The following CACNA1E variants were observed in gnomAD, a reference collection of about 807,000 sequenced individuals.
CACNA1E encodes calcium voltage-gated channel subunit alpha1 E.
A neutral mutation model predicts 259.2 loss-of-function variants in CACNA1E; 40 were observed. That is an observed-to-expected ratio of 0.15 (90% confidence interval 0.12 to 0.20). CACNA1E has a LOEUF of 0.20. Among genes scored for constraint, CACNA1E ranks in the 10% least tolerant of loss-of-function variants. The pLI is 1.00. For missense variants in CACNA1E, 1,874 were observed against 3,040.1 expected (o/e 0.62, Z 9.02); for synonymous variants, 1,104 against 1,138.5 (o/e 0.97, Z 0.61).
rs980201415 is a variant in CACNA1E, at chr1:181,732,640, C to T, written c.2554C>T (p.Arg852Cys). ...LEKFEEERISRGGSLKGDGGD... is the reference protein window; with the variant it reads ...LEKFEEERISCGGSLKGDGGD... ...GAAGTTCGAGGAGGAGCGCATCAGC[C>T]GTGGGGGGTCCCTCAAGGGGGATGG... is the stretch of plus-strand genomic sequence containing the variant. Residue 852 changes from arginine to cysteine, a missense_variant, in exon 20 of 48, where the codon CGT becomes TGT. By Grantham distance (180) the Arg-to-Cys change is radical (BLOSUM62 -3). Around this residue, in one of 14 missense-constraint regions of CACNA1E, gnomAD observed 476 missense variants for 514.0 expected, o/e 0.93. Transcript: ENST00000367573. The surrounding 1 kb of genome is among the most constrained non-coding windows in gnomAD (Gnocchi z 5.5). The T allele has an allele frequency of 1.9e-5, 28 of 1,498,898 alleles. No homozygotes were observed. The highest frequency in any genetic ancestry group is 2.4e-5 in the East Asian group (1 of 42,094). 92.8% of individuals were successfully genotyped at this position (1,498,898 alleles called of 1,614,324 possible).
At chr1:181,739,605 C>G (rs1345919311) in intron 25 of CACNA1E, among the ~76,000 whole-genome samples, 1 of 152,158 alleles carries the variant, frequency 6.6e-6, no homozygotes, top group Non-Finnish European at 1.5e-5. Flanking sequence ...TGGGCCCTTT[C>G]TTTCTTGAGT....
At chr1:181,580,117 A>T (rs1293764628) in intron 5 of CACNA1E, among the ~76,000 whole-genome samples, 1 of 152,088 alleles carries the variant, frequency 6.6e-6, no homozygotes, top group Non-Finnish European at 1.5e-5. Flanking sequence ...TCTATTTTTT[A>T]TTTTTATCTT....
chr1:181,512,392 G>A (rs1234729273), intron 3 of CACNA1E, among the ~76,000 whole-genome samples: 1 of 152,190 alleles, frequency 6.6e-6, no homozygotes, highest in Non-Finnish European at 1.5e-5. Flanking sequence ...TTACCCAACT[G>A]CTTGGCAGAC....
At chr1:181,754,399 C>T (rs2102677741) in intron 27 of CACNA1E, among the ~76,000 whole-genome samples, 1 of 152,312 alleles carries the variant, frequency 6.6e-6, no homozygotes, top group Non-Finnish European at 1.5e-5. Flanking sequence ...TGCACAAATG[C>T]AGCACCACCG....
At chr1:181,335,898 AC>A (rs1049075624) in intron 1 of CACNA1E, among the ~76,000 whole-genome samples, 13 of 152,258 alleles carry the variant, frequency 8.5e-5, no homozygotes, top group African/African-American at 3.1e-4. Context: ...ACCCTAGAGC[AC>A]CACAGACTGT....
intron 8 of CACNA1E, among the ~76,000 whole-genome samples, 155 bp downstream of exon 8, chr1:181,711,224 G>A (rs539237643): frequency 2.6e-5 from 4 of 152,188 alleles, no homozygotes; most frequent in East Asian, 1.9e-4. Flanking sequence ...CTGCTCATCC[G>A]ACTTTCTTCC....
At chr1:181,712,663 GAAGTGGACACA>G (rs1282653877) in intron 8 of CACNA1E, among the ~76,000 whole-genome samples, 16 of 152,084 alleles carry the variant, frequency 1.1e-4, no homozygotes, top group Non-Finnish European at 2.1e-4. Context: ...GTGTAGGGAT[GAAGTGGACACA>G]AATATCCCCT....
intron 3 of CACNA1E, among the ~76,000 whole-genome samples, chr1:181,545,974 G>A (rs1647406220): frequency 6.6e-6 from 1 of 152,104 alleles, no homozygotes; most frequent in Admixed American, 6.5e-5. Flanking sequence ...GGAGCCTAAG[G>A]AACCTAGAGA....
At chr1:181,647,454 T>C (rs1249082172) in intron 6 of CACNA1E, among the ~76,000 whole-genome samples, 1 of 152,166 alleles carries the variant, frequency 6.6e-6, no homozygotes, top group African/African-American at 2.4e-5. Flanking sequence ...ATTCTCCCTC[T>C]CACAGGCAAC....
intron 32 of CACNA1E, among the ~76,000 whole-genome samples, chr1:181,759,697 G>A (rs1481910128): frequency 2.6e-5 from 4 of 152,142 alleles, no homozygotes; most frequent in Non-Finnish European, 1.5e-5. Flanking sequence ...CCATGTGACA[G>A]CTGTTTCACA....
chr1:181,390,086 C>T lies in CACNA1E; in HGVS notation c.-14-23047C>T, dbSNP rs549013070. ...CCTGAGAGCACGAGGACTTTGCTGC[C>T]GTGTGATTGACTGCTGTTCTTCGTG... On this transcript the variant is annotated intron_variant, in intron 1 of 11. Transcript: ENST00000524607. Among the ~76,000 whole-genome samples, 9 of 152,264 alleles carry T rather than the reference C, an allele frequency of 5.9e-5. No individual in the cohort carries two copies. In the East Asian group the frequency reaches 9.7e-4, roughly 16 times the overall value.
chr1:181,693,443 G>C (rs145691519), intron 7 of CACNA1E, among the ~76,000 whole-genome samples: 1 of 152,138 alleles, frequency 6.6e-6, no homozygotes, highest in East Asian at 1.9e-4. Flanking sequence ...AGAAAATGTG[G>C]TACATATACA....
intron 3 of CACNA1E, among the ~76,000 whole-genome samples, chr1:181,528,370 T>A (rs949886109): frequency 2.0e-5 from 3 of 152,192 alleles, no homozygotes; most frequent in African/African-American, 7.2e-5. Flanking sequence ...AACCTCTTTT[T>A]GTTCCCAGTT....
chr1:181,739,086 C>A, intron 24 of CACNA1E, 61 bp from the exon 25 acceptor site: 1 of 972,812 alleles, frequency 1.0e-6, no homozygotes, highest in Non-Finnish European at 1.7e-6. Context: ...ATGAACAGAG[C>A]TCAGGTCAAG....
intron 21 of CACNA1E, 129 bp downstream of exon 21, chr1:181,733,879 GT>G (rs1222318024): frequency 1.5e-6 from 1 of 650,902 alleles, no homozygotes; most frequent in African/African-American, 1.9e-5. Flanking sequence ...GTAAAAATGA[GT>G]GGCGGTTTTC....
intron 2 of CACNA1E, among the ~76,000 whole-genome samples, chr1:181,448,223 A>C (rs1299082852): frequency 2.0e-5 from 3 of 152,250 alleles, no homozygotes; most frequent in Non-Finnish European, 4.4e-5. Flanking sequence ...TAGAGGTTAC[A>C]ATGGGGAGGA....
chr1:181,467,925 G>A (rs1045180622), intron 2 of CACNA1E, among the ~76,000 whole-genome samples: 2 of 152,184 alleles, frequency 1.3e-5, no homozygotes, highest in Non-Finnish European at 2.9e-5. Context: ...AGTGGCTACA[G>A]GCCAGGGATG....
At position 181,758,049 on chromosome 1, in the gene CACNA1E, C is replaced by T. The variant is rs2102694851; in HGVS notation, c.4432C>T (p.Pro1478Ser). ...CCGCGTGTGGCACTTTGTGGTGTCT[C>T]CGTCCTTTGAGTACACCATTATGGC... The part of the protein sequence containing the change: ...QYRVWHFVVS[P>S]SFEYTIMAMI... The change falls in exon 31 of 48, where the codon CCG (proline) becomes TCG (serine). Residue 1478 changes from proline (P) to serine (S), a missense_variant. By Grantham distance (74) the Pro-to-Ser change is moderately conservative. Around this residue, in one of 14 missense-constraint regions of CACNA1E, gnomAD observed 188 missense variants for 540.6 expected, o/e 0.35. Transcript: ENST00000367573. This position sits in a 1 kb window ranked among gnomAD's most constrained non-coding sequence, Gnocchi z 4.2. 1 of 1,613,886 alleles carries T rather than the reference C, an allele frequency of 6.2e-7. No individual in the cohort carries two copies. The highest frequency in any genetic ancestry group is 8.5e-7 in the Non-Finnish European group (1 of 1,179,832).
chr1:181,543,342 G>C (rs1668740893), intron 3 of CACNA1E, among the ~76,000 whole-genome samples: 1 of 152,138 alleles, frequency 6.6e-6, no homozygotes, highest in Non-Finnish European at 1.5e-5. Context: ...CTTAAAGAAT[G>C]AACATGCAAA....
Sources: gnomAD v4.1 joint callset for allele counts (sites outside exome capture counted in the v4.1 genomes callset) on GRCh38, gnomAD v4.1.1 for gene constraint, gnomAD v4.1.1 regional missense constraint, Gnocchi (gnomAD v3.1) non-coding constraint, MANE v1.5 for transcripts, NCBI Gene and HGNC (gene_info 2026-07-23, HGNC 2026-07-21) for gene names.